The following MIPEP variants were observed in gnomAD, a reference collection of about 807,000 sequenced individuals.
The protein encoded by MIPEP is mitochondrial intermediate peptidase.
MIPEP carries 79 observed loss-of-function variants against 90.3 expected under a neutral mutation model. That is an observed-to-expected ratio of 0.87 (90% CI 0.73 to 1.05). The LOEUF (loss-of-function observed/expected upper bound fraction) is 1.05, where lower values mean the gene tolerates loss of function less well. MIPEP is among the 50% of genes least tolerant of loss of function. MIPEP has a pLI of 0.00. For missense variants in MIPEP, 940 were observed against 905.6 expected (o/e 1.04, Z -0.49); for synonymous variants, 334 against 315.8 (o/e 1.06, Z -0.61).
At position 23,869,484 on chromosome 13, in the gene MIPEP, A is replaced by G. The variant is rs1427167481; in HGVS notation, c.787-36T>C. The G allele has an allele frequency of 2.6e-6, 4 of 1,561,580 alleles. No homozygotes were observed. In the African/African-American group the frequency reaches 5.5e-5, roughly 21 times the overall value. Reference sequence around the variant, plus strand: ...AAAGTAAATGGTGAAGGCTATAAATATCATCACACAGTCCTATGCAACAAT... The same window carrying G: ...AAAGTAAATGGTGAAGGCTATAAATGTCATCACACAGTCCTATGCAACAAT... On this transcript the variant is annotated intron_variant, in intron 6 of 18. Coordinates refer to ENST00000382172, the MANE Select transcript of MIPEP (RefSeq NM_005932.4).
At chr13:23,865,615 A>G (rs1870495848) in intron 7 of MIPEP, among the ~76,000 whole-genome samples, 2 of 152,078 alleles carry the variant, frequency 1.3e-5, no homozygotes, top group Non-Finnish European at 2.9e-5. Context: ...CCGTGTTTTA[A>G]CATTCACCCA....
Position 23,889,286 on chromosome 13 carries a change from G to A in MIPEP, c.35C>T (p.Ala12Val). 6.6e-6 allele frequency: 9 copies of A among 1,368,890 alleles called. No homozygotes were observed. The highest frequency in any genetic ancestry group is 8.5e-6 in the Non-Finnish European group (9 of 1,059,388). The allele number at this position is 1,368,890 out of a possible 1,614,324, so 84.8% of individuals were successfully genotyped here. The change falls in exon 1 of 19, where the codon GCC (alanine) becomes GTC (valine). Residue 12 changes from alanine (A) to valine (V), a missense_variant. Transcript: ENST00000382172. ...GCGGGGCGGCAGAGCTGCTGCTCTGGCTCCCAAGCCGCCCAGCCTTCCGAC... is the reference window on the plus strand; with the variant it reads ...GCGGGGCGGCAGAGCTGCTGCTCTGACTCCCAAGCCGCCCAGCCTTCCGAC... ...LCVGRLGGLGARAAALPPRRA... is the reference protein window; with the variant it reads ...LCVGRLGGLGVRAAALPPRRA...
At chr13:23,746,158 G>A (rs997362665) in intron 18 of MIPEP, among the ~76,000 whole-genome samples, 1 of 150,644 alleles carries the variant, frequency 6.6e-6, no homozygotes, top group Non-Finnish European at 1.5e-5. Context: ...GGGGCTATAC[G>A]TACATGGACC....
intron 10 of MIPEP, among the ~76,000 whole-genome samples, chr13:23,850,460 G>C (rs988625875): frequency 1.3e-5 from 2 of 152,180 alleles, no homozygotes; most frequent in African/African-American, 4.8e-5. Flanking sequence ...CTTGACTTCT[G>C]AAGCTAGTGG....
chr13:23,755,964 A>G (rs1952487221), intron 18 of MIPEP, among the ~76,000 whole-genome samples: 1 of 152,256 alleles, frequency 6.6e-6, no homozygotes, highest in South Asian at 2.1e-4. Flanking sequence ...CTAAAGGAAA[A>G]TTTTCTAAGA....
At chr13:23,785,959 C>T (rs749885108) in intron 16 of MIPEP, among the ~76,000 whole-genome samples, 3 of 152,180 alleles carry the variant, frequency 2.0e-5, no homozygotes, top group Non-Finnish European at 2.9e-5. Flanking sequence ...TGACTCACGT[C>T]TGTAATCCTA....
At chr13:23,855,339 T>C (rs1033615595) in intron 10 of MIPEP, among the ~76,000 whole-genome samples, 3 of 152,168 alleles carry the variant, frequency 2.0e-5, no homozygotes, top group African/African-American at 7.2e-5. Flanking sequence ...AACATGTTAA[T>C]TTCTCCTCCT....
intron 16 of MIPEP, among the ~76,000 whole-genome samples, chr13:23,799,853 C>G (rs1246969958): frequency 6.6e-6 from 1 of 152,222 alleles, no homozygotes; most frequent in East Asian, 1.9e-4. Flanking sequence ...TAGCTTTGAA[C>G]AACTTTTATG....
intron 10 of MIPEP, among the ~76,000 whole-genome samples, chr13:23,847,853 T>C (rs1338976974): frequency 6.6e-6 from 1 of 152,154 alleles, no homozygotes; most frequent in Non-Finnish European, 1.5e-5. Context: ...TGAGATAATA[T>C]TATCTTATAT....
At position 23,818,828 on chromosome 13, in the gene MIPEP, G is replaced by C. The variant is rs116279613; in HGVS notation, c.1654-8904C>G. Among the ~76,000 whole-genome samples the C allele has an allele frequency of 8.7e-3, 1,327 of 152,234 alleles. 18 individuals are homozygous for C. The highest frequency in any genetic ancestry group is 0.031 in the African/African-American group (1,283 of 41,526). ...GCAGCTTTAGGCTAAATGTAACAGCGGAGAGGGAAATTCAATGATGTGCCT... is the reference window on the plus strand; with the variant it reads ...GCAGCTTTAGGCTAAATGTAACAGCCGAGAGGGAAATTCAATGATGTGCCT... On this transcript the variant is annotated intron_variant, in intron 14 of 18. Transcript: ENST00000382172.
chr13:23,781,173 T>C (rs182302027), intron 16 of MIPEP, among the ~76,000 whole-genome samples: 7 of 152,194 alleles, frequency 4.6e-5, no homozygotes. Context: ...AAAGTTGAAA[T>C]GACGGAAAAA....
Position 23,879,313 on chromosome 13 carries a change from A to T in MIPEP, c.494T>A (p.Leu165Ter). Residue 165 changes from leucine (L) to a stop codon, truncating the protein, a stop_gained, in exon 4 of 19, where the codon TTA (leucine) becomes TAA (stop). Coordinates refer to ENST00000382172, the MANE Select transcript of MIPEP (RefSeq NM_005932.4). LOFTEE classifies it high-confidence loss of function. ...ATCCACAAGTTTTTTATCAGCTAGT[A>T]ATTTTTGCAAACTTTGATATAAATC... ...NVDLYQSLQK[L>*]LADKKLVDSL... 6.2e-7 allele frequency: 1 copy of T among 1,605,782 alleles called. No homozygotes were observed. Among genetic ancestry groups the T allele is most frequent in the East Asian group, 2.2e-5 (1 of 44,842 alleles).
chr13:23,821,505 G>A (rs184762598), intron 14 of MIPEP, among the ~76,000 whole-genome samples: 1 of 152,142 alleles, frequency 6.6e-6, no homozygotes, highest in African/African-American at 2.4e-5. Flanking sequence ...AAAAGCAGGT[G>A]AGACCTGTCA....
At chr13:23,775,550 C>G (rs564861851) in intron 16 of MIPEP, among the ~76,000 whole-genome samples, 27 of 152,204 alleles carry the variant, frequency 1.8e-4, no homozygotes, top group Non-Finnish European at 3.4e-4. Context: ...AGATCCTCAT[C>G]ACCTCTTGCC....
At chr13:23,858,414 G>A (rs1042280387) in intron 10 of MIPEP, among the ~76,000 whole-genome samples, 4 of 133,948 alleles carry the variant, frequency 3.0e-5, no homozygotes, top group African/African-American at 1.1e-4. Flanking sequence ...AAATAAAAAT[G>A]AGAAAACATA....
rs146595493 is a variant in MIPEP at position 23,812,637 on chromosome 13, C to T, written c.1654-2713G>A. Among the ~76,000 whole-genome samples, 7 of 152,016 alleles carry T rather than the reference C, an allele frequency of 4.6e-5. 1 individual carries two copies. Among genetic ancestry groups the T allele is most frequent in the African/African-American group, 1.4e-4 (6 of 41,388 alleles). On this transcript the variant is annotated intron_variant, in intron 14 of 18. Coordinates refer to ENST00000382172, the MANE Select transcript of MIPEP (RefSeq NM_005932.4). Reference sequence around the variant, plus strand: ...CCGTCCCTCGCTCACTGCCATTAGGCTTTCTTCCCTACCAGCAAACCAGAC... The same window carrying T: ...CCGTCCCTCGCTCACTGCCATTAGGTTTTCTTCCCTACCAGCAAACCAGAC...
chr13:23,809,153 T>C (rs1348521653), intron 15 of MIPEP, among the ~76,000 whole-genome samples: 1 of 152,196 alleles, frequency 6.6e-6, no homozygotes, highest in Non-Finnish European at 1.5e-5. Context: ...GTTTTGAATA[T>C]TATCTAAAAC....
At chr13:23,762,542 C>A (rs572883318) in intron 16 of MIPEP, among the ~76,000 whole-genome samples, 1 of 152,194 alleles carries the variant, frequency 6.6e-6, no homozygotes, top group Non-Finnish European at 1.5e-5. Context: ...CAGAGACACA[C>A]TGCACCTCCA....
chr13:23,739,884 T>C (rs989114378), intron 18 of MIPEP, among the ~76,000 whole-genome samples: 36 of 152,230 alleles, frequency 2.4e-4, no homozygotes, highest in Non-Finnish European at 4.4e-4. Context: ...TGAGACATGA[T>C]TTCTGTTCTG....
Sources: allele counts gnomAD v4.1 joint callset (sites outside exome capture counted in the v4.1 genomes callset), GRCh38; gene constraint gnomAD v4.1.1; transcripts MANE v1.5; gene names NCBI Gene and HGNC (gene_info 2026-07-23, HGNC 2026-07-21).